RAB11FIP4: variants seen among roughly 807,000 people sequenced by gnomAD.
The protein encoded by RAB11FIP4 is RAB11 family interacting protein 4.
In RAB11FIP4, 23 loss-of-function variants were observed where a neutral mutation model predicts 74.3. The ratio of observed to expected loss-of-function variants is 0.31; its 90% CI spans 0.22 to 0.44. The LOEUF (loss-of-function observed/expected upper bound fraction) is 0.44, where lower values mean the gene tolerates loss of function less well. RAB11FIP4 is among the 20% of genes least tolerant of loss of function. The pLI, the probability that RAB11FIP4 is intolerant of heterozygous loss-of-function variation, is 1.00. For synonymous variants in RAB11FIP4, 360 were observed against 359.9 expected (o/e 1.00, Z 0.00); for missense variants, 630 against 863.9 (o/e 0.73, Z 3.39).
At chr17:31,453,366 A>AAAAAC in intron 3 of RAB11FIP4, among the ~76,000 whole-genome samples, 1 of 122,330 alleles carries the variant, frequency 8.2e-6, no homozygotes, top group African/African-American at 3.0e-5. Context: ...AAAAAAAAAA[A>AAAAAC]AAAAAAAAAA....
At chr17:31,525,496 T>G (rs1279419348) in intron 10 of RAB11FIP4, 1 of 484,308 alleles carries the variant, frequency 2.1e-6, no homozygotes, top group Non-Finnish European at 3.6e-6. Context: ...GAAAAGGGCC[T>G]GGGCTGGGTC....
chr17:31,431,794 C>T lies in RAB11FIP4; in HGVS notation c.160-19C>T. ...AGATCCTTGGGTGTCTCACACCTGT[C>T]CCTGCTTCATTCCCACAGGTGGAAA... On this transcript the variant is annotated intron_variant, in intron 1 of 14. Coordinates refer to ENST00000621161, the MANE Select transcript of RAB11FIP4 (RefSeq NM_032932.6). 1 of 1,472,740 alleles carries T rather than the reference C, an allele frequency of 6.8e-7. No homozygotes were observed. The highest frequency in any genetic ancestry group is 9.2e-7 in the Non-Finnish European group (1 of 1,084,410). 91.2% of individuals were successfully genotyped at this position (1,472,740 alleles called of 1,614,324 possible).
At chr17:31,407,154 C>T (rs557543973) in intron 1 of RAB11FIP4, among the ~76,000 whole-genome samples, 44 of 147,116 alleles carry the variant, frequency 3.0e-4, no homozygotes, top group Non-Finnish European at 5.0e-4. Flanking sequence ...TGGGCTCAAG[C>T]GATCCTCAGC....
chr17:31,451,979 A>C (rs1170097316), intron 3 of RAB11FIP4, among the ~76,000 whole-genome samples: 2 of 152,182 alleles, frequency 1.3e-5, no homozygotes, highest in Non-Finnish European at 2.9e-5. Context: ...GTAATGATCA[A>C]ATCAGGGTAA....
intron 13 of RAB11FIP4, 61 bp downstream of exon 13, chr17:31,528,839 C>G (rs2142831603): frequency 6.5e-7 from 1 of 1,544,262 alleles, no homozygotes; most frequent in East Asian, 2.3e-5. Context: ...ACGTGGGTTT[C>G]CTGTGCAGGA....
chr17:31,435,234 C>CT (rs1211184533), intron 3 of RAB11FIP4, among the ~76,000 whole-genome samples: 3 of 152,196 alleles, frequency 2.0e-5, no homozygotes, highest in Non-Finnish European at 4.4e-5. Context: ...CCCCTCTCCT[C>CT]TGCCTGGAGG....
chr17:31,522,123 A>G (rs1388231573), intron 6 of RAB11FIP4, 74 bp downstream of exon 6: 1 of 1,585,494 alleles, frequency 6.3e-7, no homozygotes, highest in Non-Finnish European at 8.6e-7. Flanking sequence ...AGCTACGGGC[A>G]TGGCGAGGCG....
intron 1 of RAB11FIP4, 162 bp from the exon 2 acceptor site, chr17:31,431,651 G>A (rs762048811): frequency 1.7e-6 from 1 of 602,980 alleles, no homozygotes; most frequent in African/African-American, 1.9e-5. Flanking sequence ...ACCATGGGGA[G>A]AATAAAGTGG....
At chr17:31,506,373 A>T (rs1022626171) in intron 3 of RAB11FIP4, among the ~76,000 whole-genome samples, 2 of 152,236 alleles carry the variant, frequency 1.3e-5, no homozygotes, top group African/African-American at 4.8e-5. Context: ...CACTTCAAAC[A>T]CTTGTCATTT....
intron 3 of RAB11FIP4, among the ~76,000 whole-genome samples, chr17:31,499,814 G>C (rs1235087251): frequency 6.6e-6 from 1 of 152,162 alleles, no homozygotes; most frequent in African/African-American, 2.4e-5. Context: ...GTAGACAGGA[G>C]ATCTTTGTGG....
chr17:31,498,110 C>G (rs1295738987), intron 3 of RAB11FIP4, among the ~76,000 whole-genome samples: 1 of 152,084 alleles, frequency 6.6e-6, no homozygotes, highest in Non-Finnish European at 1.5e-5. Flanking sequence ...GGAGCTGGGC[C>G]TGGTTCTGTG....
At position 31,512,976 on chromosome 17, in the gene RAB11FIP4, C is replaced by G. The variant is rs1341762491; in HGVS notation, c.337-4675C>G. ...ACATGAGCTCTGGGGAGGCCCTGTC[C>G]CTGCCCCACCACTCCTGCCAGCCCT... On this transcript the variant is annotated intron_variant, in intron 3 of 14. Transcript: ENST00000621161. This position sits in a 1 kb window ranked among gnomAD's most constrained non-coding sequence, Gnocchi z 4.1. Among the ~76,000 whole-genome samples, 2 of 152,126 alleles carry G rather than the reference C, an allele frequency of 1.3e-5. No homozygotes were observed. The highest frequency in any genetic ancestry group is 4.8e-5 in the African/African-American group (2 of 41,428).
At chr17:31,463,110 T>G (rs1312578034) in intron 3 of RAB11FIP4, among the ~76,000 whole-genome samples, 2 of 152,152 alleles carry the variant, frequency 1.3e-5, no homozygotes, top group Non-Finnish European at 2.9e-5. Context: ...GCCATCAACA[T>G]GAGGAGGCGT....
At chr17:31,524,607 C>G (rs1197736420) in intron 9 of RAB11FIP4, 1 of 182,260 alleles carries the variant, frequency 5.5e-6, no homozygotes, top group African/African-American at 2.4e-5. Flanking sequence ...TATCCCAGAC[C>G]GAAATACCAA....
At chr17:31,522,331 T>C (rs1327685294) in intron 6 of RAB11FIP4, 29 bp from the exon 7 acceptor site, 8 of 1,612,328 alleles carry the variant, frequency 5.0e-6, no homozygotes, top group Non-Finnish European at 6.8e-6. Flanking sequence ...AACCCCTCTG[T>C]TCAATGACTG....
At chr17:31,516,687 C>T (rs1473853422) in intron 3 of RAB11FIP4, among the ~76,000 whole-genome samples, 7 of 152,214 alleles carry the variant, frequency 4.6e-5, no homozygotes, top group African/African-American at 1.7e-4. Context: ...CCAGGGTGAT[C>T]TTGATCTCCT....
chr17:31,491,994 C>T lies in RAB11FIP4; in HGVS notation c.337-25657C>T, dbSNP rs565392154. ...CGAATCAAACCAGCAAAGGGCACGC[C>T]GGCGATGTGCATACAGCTGTGTCTC... On this transcript the variant is annotated intron_variant, in intron 3 of 14. Transcript: ENST00000621161. 2.6e-5 allele frequency among the ~76,000 whole-genome samples: 4 copies of T among 152,288 alleles called. No individual in the cohort carries two copies. The East Asian group carries it at 5.8e-4, about 22-fold the overall frequency.
At chr17:31,411,090 G>A (rs368918029) in intron 1 of RAB11FIP4, among the ~76,000 whole-genome samples, 8 of 152,170 alleles carry the variant, frequency 5.3e-5, no homozygotes, top group East Asian at 1.9e-4. Flanking sequence ...CAGGCCGGGC[G>A]CGGTGGCTCA....
At position 31,471,584 on chromosome 17, in the gene RAB11FIP4, G is replaced by A. The variant is rs144147367; in HGVS notation, c.336+37462G>A. ...GTCAAGCAGGTCACCCAGCTGGGAA[G>A]TGGCGGAGCCCAGCTGCAAAGTCAG... On this transcript the variant is annotated intron_variant, in intron 3 of 14. Transcript: ENST00000621161. Among the ~76,000 whole-genome samples the A allele has an allele frequency of 1.2e-3, 187 of 152,336 alleles. 1 individual carries two copies. In the Middle Eastern group the frequency reaches 0.02, roughly 17 times the overall value.
Sources: gnomAD v4.1 joint callset for allele counts (sites outside exome capture counted in the v4.1 genomes callset) on GRCh38, gnomAD v4.1.1 for gene constraint, Gnocchi (gnomAD v3.1) non-coding constraint, MANE v1.5 for transcripts, NCBI Gene and HGNC (gene_info 2026-07-23, HGNC 2026-07-21) for gene names.